Variants in CREB1 observed in about 807,000 individuals in gnomAD.
The protein encoded by CREB1 is cAMP responsive element binding protein 1.
In CREB1, 2 loss-of-function variants were observed where a neutral mutation model predicts 42.0. That is an observed-to-expected ratio of 0.05 (90% CI 0.02 to 0.15). CREB1 has a LOEUF of 0.15. CREB1 is among the 10% of genes least tolerant of loss of function. CREB1 has a pLI of 1.00. For synonymous variants in CREB1, 123 were observed against 139.9 expected (o/e 0.88, Z 0.85); for missense variants, 199 against 388.9 (o/e 0.51, Z 4.11).
Position 207,583,149 on chromosome 2 carries a change from GTATA to G in CREB1, c.839+5497_839+5500del, listed in dbSNP as rs1282081982. On this transcript the variant is annotated intron_variant, in intron 7 of 7. Transcript: ENST00000353267. ...ATAAGTAATCTAGAGGTGATTTTAA[GTATA>G]TAGGGGGATTCATATAGGTTATATG... is the stretch of plus-strand genomic sequence containing the variant. Among the ~76,000 whole-genome samples, 3 of 152,114 alleles carry G rather than the reference GTATA, an allele frequency of 2.0e-5. No homozygotes were observed. The East Asian group carries it at 5.8e-4, about 29-fold the overall frequency.
chr2:207,535,346 AATT>A (rs2080823936), intron 1 of CREB1, among the ~76,000 whole-genome samples: 1 of 152,066 alleles, frequency 6.6e-6, no homozygotes, highest in Non-Finnish European at 1.5e-5. Flanking sequence ...TACTTCTTTC[AATT>A]ATTATTTTGG....
chr2:207,582,910 CAAAA>C (rs762922292), intron 7 of CREB1: 4 of 201,324 alleles, frequency 2.0e-5, no homozygotes, highest in South Asian at 8.0e-5. Context: ...AACAAACAAA[CAAAA>C]AAAAATATAT....
In CREB1 at chr2:207,541,368, G is replaced by A. The variant is rs112904059; in HGVS notation, c.-9+11234G>A. On this transcript the variant is annotated intron_variant, in intron 1 of 7. Transcript: ENST00000353267. ...CCGTTTGTGATAAGCACCCTGTACA[G>A]ATGTACCATTTTTTATCTTTTATAT... is the stretch of plus-strand genomic sequence containing the variant. 2.4e-3 allele frequency among the ~76,000 whole-genome samples: 365 copies of A among 152,262 alleles called. 2 individuals are homozygous for A. The highest frequency in any genetic ancestry group is 8.4e-3 in the African/African-American group (350 of 41,556).
At chr2:207,562,656 A>G (rs2081998193) in intron 3 of CREB1, among the ~76,000 whole-genome samples, 1 of 152,186 alleles carries the variant, frequency 6.6e-6, no homozygotes, top group Non-Finnish European at 1.5e-5. Context: ...AAAAGGCCTA[A>G]ACTATAGAAT....
chr2:207,568,959 C>A (rs1481928775), intron 4 of CREB1, among the ~76,000 whole-genome samples: 10 of 152,136 alleles, frequency 6.6e-5, no homozygotes, highest in Non-Finnish European at 1.2e-4. Flanking sequence ...TCCTACCCAT[C>A]CCCAGTAAAT....
At chr2:207,559,961 T>C (rs2081889917) in intron 2 of CREB1, among the ~76,000 whole-genome samples, 1 of 152,226 alleles carries the variant, frequency 6.6e-6, no homozygotes, top group Non-Finnish European at 1.5e-5. Context: ...AGAGAGTCTG[T>C]ATTACATATT....
At chr2:207,561,195 TA>T (rs768464970) in intron 3 of CREB1, 7 of 1,542,894 alleles carry the variant, frequency 4.5e-6, no homozygotes, top group Non-Finnish European at 6.2e-6. Context: ...AGAGAACTAT[TA>T]TTAGAAAGGA....
chr2:207,555,668 G>C lies in CREB1; in HGVS notation c.33G>C (p.Gln11His). The change falls in exon 2 of 8, where the codon CAG (glutamine) becomes CAC (histidine). Residue 11 changes from glutamine to histidine, a missense_variant. This residue lies in a region of CREB1 where 53 missense variants were observed against 57.1 expected (regional missense o/e 0.93). Coordinates refer to ENST00000353267, the MANE Select transcript of CREB1 (RefSeq NM_004379.5). The stretch of plus-strand genomic sequence containing the variant: ...TGGAATCTGGAGCCGAGAACCAGCA[G>C]AGTGGAGATGCAGCTGTAACAGAAG... MTMESGAENQQSGDAAVTEAE... is the reference protein window; with the variant it reads MTMESGAENQHSGDAAVTEAE... The C allele has an allele frequency of 1.2e-6, 2 of 1,613,520 alleles. No homozygotes were observed. Among genetic ancestry groups the C allele is most frequent in the Non-Finnish European group, 1.7e-6 (2 of 1,179,634 alleles).
chr2:207,564,893 A>C (rs1292947511), intron 3 of CREB1, among the ~76,000 whole-genome samples: 1 of 152,184 alleles, frequency 6.6e-6, no homozygotes, highest in African/African-American at 2.4e-5. Flanking sequence ...GAATAAAAGG[A>C]AGGGGTTCCA....
chr2:207,592,740 G>GA (rs2085304517), intron 7 of CREB1, among the ~76,000 whole-genome samples: 1 of 152,002 alleles, frequency 6.6e-6, no homozygotes, highest in Non-Finnish European at 1.5e-5. Context: ...CCAACATGGT[G>GA]AAACCCCGTC....
chr2:207,541,879 A>G (rs1319933513), intron 1 of CREB1, among the ~76,000 whole-genome samples: 1 of 152,226 alleles, frequency 6.6e-6, no homozygotes, highest in Non-Finnish European at 1.5e-5. Flanking sequence ...GCCCTAGGCA[A>G]CCACCTATCA....
At chr2:207,582,287 C>T (rs894708434) in intron 7 of CREB1, 24 of 629,840 alleles carry the variant, frequency 3.8e-5, no homozygotes, top group Non-Finnish European at 6.8e-5. Flanking sequence ...GTTTTGCCCA[C>T]CAGTTTTAGA....
At chr2:207,544,227 A>G (rs545979232) in intron 1 of CREB1, among the ~76,000 whole-genome samples, 68 of 152,348 alleles carry the variant, frequency 4.5e-4, no homozygotes, top group African/African-American at 1.5e-3. Context: ...TTTAAGCAAT[A>G]TTAGTTTAGG....
chr2:207,573,525 CAGG>C (rs1447295343), intron 5 of CREB1, among the ~76,000 whole-genome samples: 1 of 152,116 alleles, frequency 6.6e-6, no homozygotes, highest in African/African-American at 2.4e-5. Flanking sequence ...TGCTTGAGGC[CAGG>C]AGTTCAAGAT....
Position 207,530,066 on chromosome 2 carries a change from G to A in CREB1, c.-77G>A, listed in dbSNP as rs535235961. ...AGTTTGACGCGGTGTGTTACGTGGG[G>A]GAGAGAATAAAACTCCAGCGAGATC... On this transcript the variant is annotated 5_prime_UTR_variant, in exon 1 of 8. Coordinates refer to ENST00000353267, the MANE Select transcript of CREB1 (RefSeq NM_004379.5). 1.3e-5 allele frequency: 2 copies of A among 153,250 alleles called. No homozygotes were observed. The highest frequency in any genetic ancestry group is 2.1e-4 in the South Asian group (1 of 4,840). 9.5% of individuals were successfully genotyped at this position (153,250 alleles called of 1,614,324 possible). A position where few individuals can be genotyped will look rare whatever the true frequency, so the allele number is the denominator to read the frequency against.
At chr2:207,573,448 A>C (rs1182889104) in intron 5 of CREB1, among the ~76,000 whole-genome samples, 3 of 152,244 alleles carry the variant, frequency 2.0e-5, no homozygotes, top group Non-Finnish European at 4.4e-5. Flanking sequence ...ATAACAGTTT[A>C]GTGATGGCTG....
chr2:207,545,587 C>G (rs1345883506), intron 1 of CREB1, among the ~76,000 whole-genome samples: 1 of 152,088 alleles, frequency 6.6e-6, no homozygotes, highest in Non-Finnish European at 1.5e-5. Context: ...ATTTTCAGTT[C>G]TGCTGAAAAT....
chr2:207,541,585 T>C (rs1233956063), intron 1 of CREB1, among the ~76,000 whole-genome samples: 1 of 152,218 alleles, frequency 6.6e-6, no homozygotes, highest in Non-Finnish European at 1.5e-5. Flanking sequence ...CCTAATTAAC[T>C]AATGATGCAT....
rs935810511 is a variant in CREB1 at position 207,599,244 on chromosome 2, C to A, written c.*2186C>A. Reference sequence around the variant, plus strand: ...AGTTATAGCATAAAAATTGTGTAACCGCATAGATATGTCATTTTTAAAAAC... The same window carrying A: ...AGTTATAGCATAAAAATTGTGTAACAGCATAGATATGTCATTTTTAAAAAC... On this transcript the variant is annotated 3_prime_UTR_variant, in exon 8 of 8. Transcript: ENST00000353267. The A allele has an allele frequency of 1.5e-5, 3 of 198,372 alleles. No homozygotes were observed. The highest frequency in any genetic ancestry group is 1.2e-4 in the Admixed American group (2 of 16,590). The allele number at this position is 198,372 out of a possible 1,614,324, so 12.3% of individuals were successfully genotyped here.
Sources: gnomAD v4.1 joint callset for allele counts (sites outside exome capture counted in the v4.1 genomes callset) on GRCh38, gnomAD v4.1.1 for gene constraint, gnomAD v4.1.1 regional missense constraint, MANE v1.5 for transcripts, NCBI Gene and HGNC (gene_info 2026-07-23, HGNC 2026-07-21) for gene names.